Variants in NRP1 observed in about 807,000 individuals in gnomAD.
The protein encoded by NRP1 is neuropilin-1.
Under a neutral mutation model 106.7 loss-of-function variants are expected in NRP1, and 35 were observed. That is an observed-to-expected ratio of 0.33 (90% CI 0.25 to 0.43). The LOEUF (loss-of-function observed/expected upper bound fraction) is 0.43. Ranked by LOEUF, NRP1 falls within the 20% of genes least tolerant of loss-of-function variation. NRP1 has a pLI of 1.00. For synonymous variants in NRP1, 437 were observed against 417.9 expected (o/e 1.05, Z -0.56); for missense variants, 1,024 against 1,170.4 (o/e 0.87, Z 1.83).
At chr10:33,187,245 T>C (rs1158131655) in intron 13 of NRP1, among the ~76,000 whole-genome samples, 2 of 152,228 alleles carry the variant, frequency 1.3e-5, no homozygotes, top group East Asian at 1.9e-4. Context: ...TTAAATGAAA[T>C]CATTGAGATG....
intron 10 of NRP1, among the ~76,000 whole-genome samples, chr10:33,203,666 T>C (rs997638157): frequency 6.6e-6 from 1 of 151,640 alleles, no homozygotes; most frequent in Non-Finnish European, 1.5e-5. Flanking sequence ...TGTTCACAGG[T>C]ATTCCCATAT....
At chr10:33,235,559 C>T (rs574478396) in intron 6 of NRP1, among the ~76,000 whole-genome samples, 73 of 152,334 alleles carry the variant, frequency 4.8e-4, no homozygotes, top group African/African-American at 1.5e-3. Flanking sequence ...ATGCATTGGA[C>T]GCAAAACCTG....
chr10:33,260,205 C>T lies in NRP1; in HGVS notation c.658+3441G>A, dbSNP rs548176386. Among the ~76,000 whole-genome samples, 25 of 151,784 alleles carry T rather than the reference C, an allele frequency of 1.6e-4. No individual in the cohort carries two copies. In the South Asian group the frequency reaches 3.5e-3, roughly 21 times the overall value. On this transcript the variant is annotated intron_variant, in intron 4 of 16. Coordinates refer to ENST00000374867, the MANE Select transcript of NRP1 (RefSeq NM_003873.7). ...AAAATGAAGTATTTTGAATAATAAA[C>T]GAAAAAGGGATTCATTTCAAACGTA... is the stretch of plus-strand genomic sequence containing the variant.
intron 2 of NRP1, among the ~76,000 whole-genome samples, chr10:33,298,695 T>A (rs915666159): frequency 2.6e-5 from 4 of 152,184 alleles, no homozygotes; most frequent in Admixed American, 6.5e-5. Flanking sequence ...TTATGTATTC[T>A]TAGGCAGATC....
intron 5 of NRP1, among the ~76,000 whole-genome samples, chr10:33,255,564 C>T (rs1439686465): frequency 1.3e-5 from 2 of 152,164 alleles, no homozygotes; most frequent in East Asian, 3.9e-4. Flanking sequence ...AAGCAATCTT[C>T]CCATAGCTTC....
At chr10:33,292,537 T>C (rs574700958) in intron 2 of NRP1, among the ~76,000 whole-genome samples, 6 of 152,194 alleles carry the variant, frequency 3.9e-5, no homozygotes, top group African/African-American at 1.4e-4. Flanking sequence ...TGTCTATGTA[T>C]AGACCACATG....
chr10:33,206,337 G>T (rs773790201), intron 10 of NRP1: 1 of 518,936 alleles, frequency 1.9e-6, no homozygotes, highest in Non-Finnish European at 3.8e-6. Flanking sequence ...GACATTCTTG[G>T]TCTGTGTTGA....
chr10:33,284,941 A>T (rs2132579752), intron 2 of NRP1, among the ~76,000 whole-genome samples: 1 of 151,910 alleles, frequency 6.6e-6, no homozygotes, highest in Non-Finnish European at 1.5e-5. Flanking sequence ...GATCAGAAGC[A>T]ATAAAAAAAT....
chr10:33,204,978 C>T (rs952573500), intron 10 of NRP1, among the ~76,000 whole-genome samples: 11 of 152,264 alleles, frequency 7.2e-5, no homozygotes, highest in South Asian at 2.1e-4. Context: ...GTGATCTGCC[C>T]GCCTTGGCCT....
intron 2 of NRP1, among the ~76,000 whole-genome samples, chr10:33,302,346 C>G (rs1038135517): frequency 6.6e-6 from 1 of 152,184 alleles, no homozygotes; most frequent in African/African-American, 2.4e-5. Flanking sequence ...CCTGTTTGGC[C>G]CCTTTGCGTA....
At chr10:33,190,965 A>AGCT (rs1414775497) in intron 13 of NRP1, among the ~76,000 whole-genome samples, 1 of 152,046 alleles carries the variant, frequency 6.6e-6, no homozygotes, top group East Asian at 1.9e-4. Context: ...AGGATCCTAA[A>AGCT]ACAGACTCTG....
chr10:33,323,966 T>C (rs1041349243), intron 2 of NRP1, among the ~76,000 whole-genome samples: 10 of 152,250 alleles, frequency 6.6e-5, no homozygotes, highest in Non-Finnish European at 1.3e-4. Context: ...TGAAATCTCG[T>C]TGGAAATGCC....
At chr10:33,253,009 T>TC in intron 6 of NRP1, among the ~76,000 whole-genome samples, 1 of 152,230 alleles carries the variant, frequency 6.6e-6, no homozygotes, top group Admixed American at 6.5e-5. Context: ...TTTTTTTTTT[T>TC]TCTTGCTTAG....
intron 2 of NRP1, among the ~76,000 whole-genome samples, chr10:33,288,112 G>A (rs139760271): frequency 9.3e-4 from 141 of 152,234 alleles, no homozygotes; most frequent in African/African-American, 3.4e-3. Context: ...GTAGATAAAT[G>A]TCAGGGTAAA....
intron 4 of NRP1, among the ~76,000 whole-genome samples, chr10:33,261,770 C>G (rs1842589989): frequency 6.6e-6 from 1 of 152,146 alleles, no homozygotes; most frequent in Non-Finnish European, 1.5e-5. Flanking sequence ...GATTCTTGCT[C>G]TGTTCCCCAG....
intron 11 of NRP1, among the ~76,000 whole-genome samples, chr10:33,198,261 A>C (rs10827209): frequency 0.24 from 35,779 of 150,522 alleles, 4,816 homozygotes; most frequent in East Asian, 0.61. Flanking sequence ...CCTGCCTCAG[A>C]CTCCCGAGTA....
At chr10:33,316,756 A>C (rs1847070012) in intron 2 of NRP1, among the ~76,000 whole-genome samples, 1 of 152,226 alleles carries the variant, frequency 6.6e-6, no homozygotes, top group East Asian at 1.9e-4. Context: ...AGATTGCACA[A>C]AAGTTGGAGA....
At chr10:33,291,792 A>G (rs1306492804) in intron 2 of NRP1, among the ~76,000 whole-genome samples, 1 of 152,260 alleles carries the variant, frequency 6.6e-6, no homozygotes, top group Non-Finnish European at 1.5e-5. Flanking sequence ...CTGAAAATAA[A>G]CTAGAAAATT....
chr10:33,275,602 A>G (rs1018919119), intron 2 of NRP1, among the ~76,000 whole-genome samples: 1 of 152,078 alleles, frequency 6.6e-6, no homozygotes, highest in African/African-American at 2.4e-5. Context: ...AACCAAAAAA[A>G]AAAACCATGT....
Sources: allele counts gnomAD v4.1 joint callset (sites outside exome capture counted in the v4.1 genomes callset), GRCh38; gene constraint gnomAD v4.1.1; transcripts MANE v1.5; gene names NCBI Gene and HGNC (gene_info 2026-07-23, HGNC 2026-07-21).